The following HPRT1 variants were observed in gnomAD, a reference collection of about 807,000 sequenced individuals.
HPRT1 encodes the protein hypoxanthine phosphoribosyltransferase 1.
Under a neutral mutation model 19.0 loss-of-function variants are expected in HPRT1, and 4 were observed. The observed-to-expected ratio is 0.21, with a 90% CI of 0.10 to 0.48. HPRT1 has a LOEUF of 0.48. HPRT1 is among the 20% of genes least tolerant of loss of function. The pLI, the probability that HPRT1 is intolerant of heterozygous loss-of-function variation, is 0.98. For missense variants in HPRT1, 65 were observed against 164.0 expected (o/e 0.40, Z 3.30); for synonymous variants, 53 against 54.9 (o/e 0.97, Z 0.15).
intron 8 of HPRT1, among the ~76,000 whole-genome samples, chrX:134,499,348 G>A (rs957345784): frequency 4.5e-5 from 5 of 110,774 alleles, no homozygotes; most frequent in African/African-American, 1.6e-4. Flanking sequence ...GCGTAGTGGT[G>A]TGTGCCTGTA....
At chrX:134,462,171 T>TTTTA (rs1002635973) in intron 1 of HPRT1, among the ~76,000 whole-genome samples, 18 of 110,700 alleles carry the variant, frequency 1.6e-4, no homozygotes, top group Admixed American at 1.1e-3. Flanking sequence ...TTGTACTTTA[T>TTTTA]TTTATTTATT....
chrX:134,472,884 G>T (rs755514485), intron 1 of HPRT1, among the ~76,000 whole-genome samples: 1 of 107,203 alleles, frequency 9.3e-6, no homozygotes, highest in African/African-American at 3.4e-5. Flanking sequence ...CTGTTTTTTT[G>T]TTTGTTTGTT....
In HPRT1 at chrX:134,471,798, C is replaced by T. The variant is rs957053618; in HGVS notation, c.28-1561C>T. On this transcript the variant is annotated intron_variant, in intron 1 of 8. Transcript: ENST00000298556. The stretch of plus-strand genomic sequence containing the variant: ...TGGGACTACAGGCGCGTGCCACATG[C>T]CTGGCTAATTTTGTATTTTTAGTAG... Among the ~76,000 whole-genome samples the T allele has an allele frequency of 1.1e-4, 12 of 110,377 alleles. No homozygotes were observed. In the South Asian group the frequency reaches 3.1e-3, roughly 29 times the overall value.
At chrX:134,492,797 TC>T (rs1181108251) in intron 5 of HPRT1, among the ~76,000 whole-genome samples, 4 of 111,432 alleles carry the variant, frequency 3.6e-5, no homozygotes, top group Non-Finnish European at 7.5e-5. Context: ...ATTTTTTTTT[TC>T]TTTTTCTTTT....
intron 1 of HPRT1, among the ~76,000 whole-genome samples, chrX:134,470,691 A>G (rs1405474037): frequency 9.0e-6 from 1 of 111,307 alleles, no homozygotes; most frequent in Non-Finnish European, 1.9e-5. Flanking sequence ...ATTTCTTCAA[A>G]TAGACTTTGA....
rs775350369 is a variant in HPRT1 at position 134,498,722 on chromosome X, A to G, written c.609+38A>G. 2.4e-5 allele frequency: 22 copies of G among 901,441 alleles called. No individual in the cohort carries two copies. In the South Asian group the frequency reaches 4.2e-4, roughly 17 times the overall value. 74.3% of individuals were successfully genotyped at this position (901,441 alleles called of 1,213,427 possible). On this transcript the variant is annotated intron_variant, in intron 8 of 8. Coordinates refer to ENST00000298556, the MANE Select transcript of HPRT1 (RefSeq NM_000194.3). ...TTCTTTTTCTCACTCATTTTTCAAA[A>G]CACGCATAAAAATTTAGGAAAGAGA...
At chrX:134,473,331 C>T (rs773541326) in intron 1 of HPRT1, 28 bp from the exon 2 acceptor site, 1 of 853,782 alleles carries the variant, frequency 1.2e-6, no homozygotes, top group East Asian at 3.1e-5. Context: ...GTAATGCTCT[C>T]ATTGAAACAG....
At chrX:134,475,904 A>G (rs1160052143) in intron 3 of HPRT1, among the ~76,000 whole-genome samples, 3 of 112,077 alleles carry the variant, frequency 2.7e-5, no homozygotes, top group Non-Finnish European at 3.8e-5. Flanking sequence ...GAAATGCATC[A>G]CAACATTGAC....
intron 5 of HPRT1, among the ~76,000 whole-genome samples, chrX:134,491,677 A>G (rs2077666822): frequency 9.1e-6 from 1 of 109,310 alleles, no homozygotes. Context: ...ACCTCCACAA[A>G]ACCTTCCTTG....
chrX:134,497,358 G>A (rs943297323), intron 6 of HPRT1, among the ~76,000 whole-genome samples: 8 of 111,453 alleles, frequency 7.2e-5, no homozygotes, highest in East Asian at 2.8e-4. Flanking sequence ...GAGGCCGGGC[G>A]CAGTGGCTCA....
chrX:134,481,505 CTCTATCTATCTA>C lies in HPRT1; in HGVS notation c.319-4915_319-4904del, dbSNP rs35832135. Among the ~76,000 whole-genome samples the C allele has an allele frequency of 7.9e-3, 758 of 96,159 alleles. 2 individuals are homozygous for C. Among genetic ancestry groups the C allele is most frequent in the African/African-American group, 0.012 (307 of 25,781 alleles). The allele number at this position is 96,159 out of a possible 115,157, so 83.5% of individuals were successfully genotyped here. A position where few individuals can be genotyped will look rare whatever the true frequency, so the allele number is the denominator to read the frequency against. On this transcript the variant is annotated intron_variant, in intron 3 of 8. Coordinates refer to ENST00000298556, the MANE Select transcript of HPRT1 (RefSeq NM_000194.3). ...TTTGTCTCTATCTCTATCTGTCTAT[CTCTATCTATCTA>C]TCTATCTATCTATCTATCTATCTAT...
At chrX:134,479,801 GT>G (rs1267542579) in intron 3 of HPRT1, among the ~76,000 whole-genome samples, 1 of 110,494 alleles carries the variant, frequency 9.1e-6, no homozygotes. Flanking sequence ...TAGAAACAGG[GT>G]TTTGCCATGT....
At chrX:134,468,385 C>T (rs2077602581) in intron 1 of HPRT1, among the ~76,000 whole-genome samples, 1 of 109,246 alleles carries the variant, frequency 9.2e-6, no homozygotes, top group African/African-American at 3.3e-5. Flanking sequence ...GAGGCTGAGG[C>T]GGGCGGATCA....
At chrX:134,498,470 C>T (rs780307417) in intron 7 of HPRT1, 34 bp downstream of exon 7, 2 of 1,126,479 alleles carry the variant, frequency 1.8e-6, no homozygotes, top group East Asian at 3.0e-5. Context: ...AATCATTTAA[C>T]CATCTTTAAC....
At position 134,472,963 on chromosome X, in the gene HPRT1, C is replaced by A. The variant is rs1450382759; in HGVS notation, c.28-396C>A. Among the ~76,000 whole-genome samples, 3 of 110,356 alleles carry A rather than the reference C, an allele frequency of 2.7e-5. No homozygotes were observed. The East Asian group carries it at 8.5e-4, about 31-fold the overall frequency. On this transcript the variant is annotated intron_variant, in intron 1 of 8. Coordinates refer to ENST00000298556, the MANE Select transcript of HPRT1 (RefSeq NM_000194.3). ...AGTGAAGTGGCGCATTCTTGGCTCA[C>A]TGCAACCTTCACCTCCCAGGTTCAA...
At chrX:134,469,265 C>T (rs920824239) in intron 1 of HPRT1, among the ~76,000 whole-genome samples, 15 of 111,191 alleles carry the variant, frequency 1.3e-4, no homozygotes, top group African/African-American at 4.9e-4. Flanking sequence ...TGAAGTATCT[C>T]AAGTGATGCA....
chrX:134,475,690 A>G (rs2077623143), intron 3 of HPRT1, among the ~76,000 whole-genome samples: 2 of 112,007 alleles, frequency 1.8e-5, no homozygotes, highest in African/African-American at 6.5e-5. Context: ...TGGGGAGTCA[A>G]AAGTCCTTTG....
chrX:134,473,146 T>C (rs2077614980), intron 1 of HPRT1, among the ~76,000 whole-genome samples: 2 of 112,014 alleles, frequency 1.8e-5, no homozygotes, highest in African/African-American at 6.5e-5. Flanking sequence ...TGCCTCAGCC[T>C]CCCAAAGTGC....
At chrX:134,495,197 G>GA (rs56037049) in intron 6 of HPRT1, among the ~76,000 whole-genome samples, 1,283 of 67,502 alleles carry the variant, frequency 0.019, 14 homozygotes, top group Non-Finnish European at 0.029. Context: ...CCCTGTCTCA[G>GA]AAAAAAAAAA....
Sources: gnomAD v4.1 joint callset for allele counts (sites outside exome capture counted in the v4.1 genomes callset) on GRCh38, gnomAD v4.1.1 for gene constraint, MANE v1.5 for transcripts, NCBI Gene and HGNC (gene_info 2026-07-23, HGNC 2026-07-21) for gene names.